The following SLC30A9 variants were observed in gnomAD, a reference collection of about 807,000 sequenced individuals.
SLC30A9 encodes the protein solute carrier family 30 member 9.
In SLC30A9, 58 loss-of-function variants were observed where a neutral mutation model predicts 87.5. That is an observed-to-expected ratio of 0.66 (90% confidence interval 0.54 to 0.82). The LOEUF is 0.82. SLC30A9 is among the 40% of genes least tolerant of loss of function. The pLI is 0.00. For synonymous variants in SLC30A9, 234 were observed against 233.0 expected (o/e 1.00, Z -0.04); for missense variants, 557 against 679.1 (o/e 0.82, Z 2.00).
intron 9 of SLC30A9, among the ~76,000 whole-genome samples, chr4:42,052,879 A>G (rs1377094851): frequency 7.2e-5 from 11 of 152,364 alleles, no homozygotes; most frequent in Admixed American, 3.3e-4. Context: ...TACAAATTCA[A>G]CTTCATCAAA....
At chr4:42,034,429 C>T (rs781359157) in intron 6 of SLC30A9, among the ~76,000 whole-genome samples, 19 of 86,390 alleles carry the variant, frequency 2.2e-4, no homozygotes, top group Non-Finnish European at 5.4e-4. Context: ...CCCCCATTTC[C>T]CTGCCACCCC....
intron 16 of SLC30A9, 80 bp from the exon 17 acceptor site, chr4:42,078,132 T>C: frequency 1.5e-6 from 1 of 654,446 alleles, no homozygotes. Context: ...TTGTTATAGG[T>C]TTGTTTTTTT....
intron 8 of SLC30A9, 92 bp from the exon 9 acceptor site, chr4:42,049,285 A>C: frequency 1.5e-6 from 1 of 657,668 alleles, no homozygotes; most frequent in South Asian, 2.2e-5. Context: ...TTTCAACAGA[A>C]TCTAGTGTAG....
At chr4:42,059,493 CA>C (rs1247111848) in intron 9 of SLC30A9, among the ~76,000 whole-genome samples, 2 of 152,080 alleles carry the variant, frequency 1.3e-5, no homozygotes, top group African/African-American at 4.8e-5. Context: ...AGAGGAGAGG[CA>C]GTCAGAAAGG....
intron 10 of SLC30A9, among the ~76,000 whole-genome samples, chr4:42,061,640 G>A (rs1176221732): frequency 6.6e-6 from 1 of 152,216 alleles, no homozygotes; most frequent in Admixed American, 6.5e-5. Flanking sequence ...GCTCATGCCT[G>A]TAATCCCAGC....
intron 8 of SLC30A9, among the ~76,000 whole-genome samples, chr4:42,045,037 G>T (rs978675102): frequency 6.6e-6 from 1 of 152,166 alleles, no homozygotes; most frequent in African/African-American, 2.4e-5. Context: ...CAGTGTACCA[G>T]AATCTCTGGA....
intron 9 of SLC30A9, among the ~76,000 whole-genome samples, chr4:42,052,815 G>A (rs953736018): frequency 1.6e-4 from 24 of 152,118 alleles, no homozygotes; most frequent in Non-Finnish European, 2.9e-5. Context: ...TTTTAGACCT[G>A]GTAGGCAAAG....
intron 2 of SLC30A9, among the ~76,000 whole-genome samples, chr4:42,006,780 G>A (rs1715222612): frequency 6.6e-6 from 1 of 151,932 alleles, no homozygotes; most frequent in Admixed American, 6.6e-5. Flanking sequence ...ATTTGGCGGT[G>A]GGGTTGGTAG....
chr4:42,023,314 T>C lies in SLC30A9; in HGVS notation c.540T>C (p.Val180=), dbSNP rs1716053773. The C allele has an allele frequency of 6.2e-7, 1 of 1,613,298 alleles. No homozygotes were observed. The highest frequency in any genetic ancestry group is 8.5e-7 in the Non-Finnish European group (1 of 1,179,224). ...RSDVEAKSLE[V]WGSPEALARE... ...TGTGTATGCACAGATCTTTGGAAGT[T>C]TGGGGAAGCCCTGAAGCTCTTGCCA... The change falls in exon 6 of 18, where the codon GTT becomes GTC. Residue 180 remains valine, a synonymous_variant. Transcript: ENST00000264451.
At position 42,086,034 on chromosome 4, in the gene SLC30A9, A is replaced by G. The variant is rs370339803; in HGVS notation, c.1663-48A>G. 63 of 989,034 alleles carry G rather than the reference A, an allele frequency of 6.4e-5. 3 individuals are homozygous for G. In the African/African-American group the frequency reaches 8.5e-4, roughly 13 times the overall value. 61.3% of individuals were successfully genotyped at this position (989,034 alleles called of 1,614,324 possible). ...ATGACCAAAAGGAATAAAAAGAAAC[A>G]AGATTTTATTTTGCTACAAATAATG... is the stretch of plus-strand genomic sequence containing the variant. On this transcript the variant is annotated intron_variant, in intron 17 of 17. Transcript: ENST00000264451.
chr4:42,086,911 G>T lies in SLC30A9; in HGVS notation c.*785G>T, dbSNP rs971002537. 6.6e-6 allele frequency: 1 copy of T among 152,042 alleles called. No individual in the cohort carries two copies. Among genetic ancestry groups the T allele is most frequent in the Non-Finnish European group, 1.5e-5 (1 of 68,004 alleles). The allele number at this position is 152,042 out of a possible 1,614,324, so 9.4% of individuals were successfully genotyped here. A position where few individuals can be genotyped will look rare whatever the true frequency, so the allele number is the denominator to read the frequency against. ...ATGACTTTTTTTTAAATGAGGTTCA[G>T]TACCATAATGTTTATTTACTGGAAG... On this transcript the variant is annotated 3_prime_UTR_variant, in exon 18 of 18. Coordinates refer to ENST00000264451, the MANE Select transcript of SLC30A9 (RefSeq NM_006345.4).
At chr4:42,024,537 C>T (rs1035207434) in intron 6 of SLC30A9, among the ~76,000 whole-genome samples, 6 of 151,906 alleles carry the variant, frequency 3.9e-5, no homozygotes, top group East Asian at 3.9e-4. Flanking sequence ...ATTTTTTTAA[C>T]GTGAGATAAT....
In SLC30A9 at chr4:42,026,725, C is replaced by T. The variant is rs79403461; in HGVS notation, c.610+3341C>T. 4.3e-3 allele frequency among the ~76,000 whole-genome samples: 108 copies of T among 25,130 alleles called. 3 individuals carry two copies. Among genetic ancestry groups the T allele is most frequent in the East Asian group, 0.029 (1 of 34 alleles). The allele number at this position is 25,130 out of a possible 152,430, so 16.5% of individuals were successfully genotyped here. A position where few individuals can be genotyped will look rare whatever the true frequency, so the allele number is the denominator to read the frequency against. ...CCTAAGTTTGTTCCTTTTTTTTTTTCTTTTCATCTTCTCTTTTGGTTTCTT... is the reference window on the plus strand; with the variant it reads ...CCTAAGTTTGTTCCTTTTTTTTTTTTTTTTCATCTTCTCTTTTGGTTTCTT... On this transcript the variant is annotated intron_variant, in intron 6 of 17. Transcript: ENST00000264451.
At chr4:42,073,673 C>T (rs1446475730) in intron 15 of SLC30A9, among the ~76,000 whole-genome samples, 2 of 152,156 alleles carry the variant, frequency 1.3e-5, no homozygotes, top group African/African-American at 4.8e-5. Flanking sequence ...TGATTGTTCG[C>T]AAGATTTAGC....
At chr4:42,017,303 T>G (rs1002084300) in intron 2 of SLC30A9, among the ~76,000 whole-genome samples, 3 of 152,072 alleles carry the variant, frequency 2.0e-5, no homozygotes, top group African/African-American at 7.2e-5. Flanking sequence ...TATTTAAATA[T>G]TCTTGATTAC....
In SLC30A9 at chr4:42,066,561, G is replaced by T. The variant is rs367803288; in HGVS notation, c.1084G>T (p.Val362Phe). The part of the protein sequence containing the change: ...SLVSEGATLL[V>F]AVNELRRNAR... ...TGCTTTTCTTTTAGCAACACTTCTT[G>T]TTGCTGTAAATGAACTTCGTAGGAA... Residue 362 changes from valine to phenylalanine, a missense_variant, in exon 13 of 18, where the codon GTT (valine) becomes TTT (phenylalanine). Physicochemically the swap from Val to Phe is conservative, Grantham distance 50. Around this residue, in one of 2 missense-constraint regions of SLC30A9, gnomAD observed 467 missense variants for 529.8 expected, o/e 0.88. Transcript: ENST00000264451. 11 of 1,602,554 alleles carry T rather than the reference G, an allele frequency of 6.9e-6. No homozygotes were observed. In the African/African-American group the frequency reaches 1.3e-4, roughly 20 times the overall value.
chr4:42,061,267 C>G (rs1440131848), intron 10 of SLC30A9, among the ~76,000 whole-genome samples: 6 of 152,106 alleles, frequency 3.9e-5, no homozygotes, highest in Admixed American at 3.9e-4. Context: ...TGAAATGTGG[C>G]CAGTGCAACT....
intron 9 of SLC30A9, among the ~76,000 whole-genome samples, chr4:42,059,626 A>C (rs12500755): frequency 0.65 from 99,244 of 152,026 alleles, 36,892 homozygotes; most frequent in East Asian, 0.96. Flanking sequence ...TTTACTTGTA[A>C]AGCTATACAA....
intron 1 of SLC30A9, among the ~76,000 whole-genome samples, chr4:41,999,767 A>G (rs955982748): frequency 2.0e-5 from 3 of 152,148 alleles, no homozygotes; most frequent in African/African-American, 7.2e-5. Context: ...ATCTGGATCT[A>G]TTCACATAGA....
Sources: allele counts gnomAD v4.1 joint callset (sites outside exome capture counted in the v4.1 genomes callset), GRCh38; gene constraint gnomAD v4.1.1; regional missense constraint gnomAD v4.1.1; transcripts MANE v1.5; gene names NCBI Gene and HGNC (gene_info 2026-07-23, HGNC 2026-07-21).